The following RAB27A variants were observed in gnomAD, a reference collection of about 807,000 sequenced individuals.
The protein encoded by RAB27A is ras-related protein Rab-27A.
A neutral mutation model predicts 20.8 loss-of-function variants in RAB27A; 17 were observed. The ratio of observed to expected loss-of-function variants is 0.82; its 90% CI spans 0.56 to 1.23. RAB27A has a LOEUF of 1.23. RAB27A is among the 50% of genes most tolerant of loss of function. The probability of loss-of-function intolerance (pLI) is 0.00; values close to 1 mark genes in which losing one functional copy is unlikely to be tolerated. For missense variants in RAB27A, 277 were observed against 266.7 expected, an observed-to-expected ratio of 1.04 and a Z score of -0.27; for synonymous variants, 85 against 92.8, an observed-to-expected ratio of 0.92 and a Z score of 0.48.
chr15:55,214,904 T>A (rs1188990498), intron 6 of RAB27A, among the ~76,000 whole-genome samples: 2 of 152,224 alleles, frequency 1.3e-5, no homozygotes, highest in Non-Finnish European at 2.9e-5. Flanking sequence ...TTTTTCAAAA[T>A]GTAAATTGTT....
intron 2 of RAB27A, among the ~76,000 whole-genome samples, chr15:55,245,235 G>C (rs540476): frequency 0.51 from 77,830 of 151,980 alleles, 20,504 homozygotes; most frequent in East Asian, 0.76. Flanking sequence ...CATAAGTGGA[G>C]ACAGCCTATG....
intron 2 of RAB27A, among the ~76,000 whole-genome samples, chr15:55,249,619 A>T (rs1176522444): frequency 6.6e-6 from 1 of 152,170 alleles, no homozygotes; most frequent in Non-Finnish European, 1.5e-5. Flanking sequence ...TTATGTGAAA[A>T]CAATCTGTAC....
rs1030073921 is a variant in RAB27A at position 55,313,926 on chromosome 15, T to C, written c.-112+113A>G. On this transcript the variant is annotated intron_variant, in intron 2 of 5. Coordinates refer to the RAB27A transcript ENST00000563262. The stretch of plus-strand genomic sequence containing the variant: ...AGGTGGAGGTTGCAGTGAGCTGACA[T>C]CGTGCCACTGCACTCCAGCTTGGGC... 4.5e-5 allele frequency: 7 copies of C among 154,130 alleles called. No homozygotes were observed. The East Asian group carries it at 1.3e-3, about 29-fold the overall frequency. The allele number at this position is 154,130 out of a possible 1,614,324, so 9.5% of individuals were successfully genotyped here.
intron 6 of RAB27A, among the ~76,000 whole-genome samples, chr15:55,219,721 T>G (rs1895475589): frequency 6.6e-6 from 1 of 152,250 alleles, no homozygotes; most frequent in Non-Finnish European, 1.5e-5. Flanking sequence ...TCAGTAACCA[T>G]GTGAACTGTA....
chr15:55,247,813 A>C (rs1896744333), intron 2 of RAB27A, among the ~76,000 whole-genome samples: 1 of 152,282 alleles, frequency 6.6e-6, no homozygotes, highest in South Asian at 2.1e-4. Context: ...GACTTTGTAC[A>C]AAATGAGAAT....
intron 2 of RAB27A, among the ~76,000 whole-genome samples, chr15:55,260,756 T>C (rs956187466): frequency 2.6e-5 from 4 of 152,188 alleles, no homozygotes; most frequent in African/African-American, 9.7e-5. Flanking sequence ...TCAGTGGTTA[T>C]TAGGGGTTGG....
chr15:55,274,548 C>T (rs1304094288), intron 1 of RAB27A, among the ~76,000 whole-genome samples: 2 of 150,564 alleles, frequency 1.3e-5, no homozygotes, highest in South Asian at 2.1e-4. Flanking sequence ...GAGGCCAAGG[C>T]GTGCGTATAA....
chr15:55,271,676 CTT>C (rs1349847384), intron 1 of RAB27A, among the ~76,000 whole-genome samples: 1 of 152,216 alleles, frequency 6.6e-6, no homozygotes, highest in Non-Finnish European at 1.5e-5. Flanking sequence ...GGGGTTGTAT[CTT>C]GTTTTTTGTT....
chr15:55,213,218 G>C (rs1895111720), intron 6 of RAB27A, among the ~76,000 whole-genome samples: 1 of 152,126 alleles, frequency 6.6e-6, no homozygotes. Flanking sequence ...AAATTTATTA[G>C]AACTTTAAAG....
At chr15:55,235,439 ACT>A (rs1896216535) in intron 2 of RAB27A, among the ~76,000 whole-genome samples, 1 of 151,938 alleles carries the variant, frequency 6.6e-6, no homozygotes, top group African/African-American at 2.4e-5. Context: ...CAAGAGCAAA[ACT>A]CTGTCTCAAA....
chr15:55,312,225 G>A (rs1392866016), intron 2 of RAB27A, among the ~76,000 whole-genome samples: 1 of 152,182 alleles, frequency 6.6e-6, no homozygotes, highest in African/African-American at 2.4e-5. Context: ...GTCAGCGGCG[G>A]GTCTGCGACA....
intron 1 of RAB27A, among the ~76,000 whole-genome samples, chr15:55,278,603 C>G (rs1015086687): frequency 6.6e-6 from 1 of 152,004 alleles, no homozygotes; most frequent in African/African-American, 2.4e-5. Context: ...CTGCCTCAGC[C>G]TCCCAAGTAG....
rs761912458 is a variant in RAB27A, at chr15:55,228,624, C to A, written c.328G>T (p.Val110Phe). Residue 110 changes from valine (V) to phenylalanine (F), a missense_variant, in exon 5 of 7, where the codon GTC becomes TTC. Coordinates refer to ENST00000336787, the MANE Select transcript of RAB27A (RefSeq NM_183235.3). ...DLTNEQSFLN[V>F]RNWISQLQMH... is the part of the protein sequence containing the mutation. ...TAACACTTACTTATCCAGTTTCTGA[C>A]ATTGAGGAAACTTTGCTCATTTGTC... The A allele has an allele frequency of 1.2e-6, 2 of 1,604,398 alleles. No individual in the cohort carries two copies. Among genetic ancestry groups the A allele is most frequent in the South Asian group, 1.1e-5 (1 of 90,858 alleles).
At chr15:55,304,190 T>C (rs1187013356) in intron 2 of RAB27A, among the ~76,000 whole-genome samples, 1 of 151,868 alleles carries the variant, frequency 6.6e-6, no homozygotes, top group African/African-American at 2.4e-5. Context: ...CTGAAACATG[T>C]GCTGTGTCCA....
chr15:55,236,119 A>C (rs1566912459), intron 2 of RAB27A, among the ~76,000 whole-genome samples: 1 of 151,848 alleles, frequency 6.6e-6, no homozygotes, highest in Non-Finnish European at 1.5e-5. Flanking sequence ...TAAAGAACTT[A>C]TCCATGTAAC....
chr15:55,297,089 G>A (rs2054952598), intron 2 of RAB27A, among the ~76,000 whole-genome samples: 2 of 152,158 alleles, frequency 1.3e-5, no homozygotes, highest in Non-Finnish European at 2.9e-5. Flanking sequence ...AGCCTTTATC[G>A]GTACAACAGA....
intron 2 of RAB27A, among the ~76,000 whole-genome samples, chr15:55,312,796 C>T (rs138314465): frequency 6.6e-6 from 1 of 152,280 alleles, no homozygotes; most frequent in African/African-American, 2.4e-5. Flanking sequence ...ATTCCTGTCA[C>T]GTGACTTGAC....
intron 2 of RAB27A, among the ~76,000 whole-genome samples, chr15:55,295,919 T>TA (rs1226538937): frequency 6.6e-6 from 1 of 150,768 alleles, no homozygotes; most frequent in Non-Finnish European, 1.5e-5. Context: ...TTTTTTGAGA[T>TA]AGAGTTTCAC....
At chr15:55,207,644 T>G (rs1315823752) in intron 6 of RAB27A, among the ~76,000 whole-genome samples, 1 of 152,200 alleles carries the variant, frequency 6.6e-6, no homozygotes, top group African/African-American at 2.4e-5. Flanking sequence ...AAAATGTGGC[T>G]AATGCAACCA....
Sources: allele counts gnomAD v4.1 joint callset (sites outside exome capture counted in the v4.1 genomes callset), GRCh38; gene constraint gnomAD v4.1.1; transcripts MANE v1.5; gene names NCBI Gene and HGNC (gene_info 2026-07-23, HGNC 2026-07-21).